PLSCR4: variants seen among roughly 807,000 people sequenced by gnomAD.
PLSCR4 encodes Ca(2+)-dependent phospholipid scramblase 4.
PLSCR4 carries 25 observed loss-of-function variants against 36.3 expected under a neutral mutation model. The ratio of observed to expected loss-of-function variants is 0.69; its 90% CI spans 0.50 to 0.96. The LOEUF (loss-of-function observed/expected upper bound fraction) is 0.96. Among genes scored for constraint, PLSCR4 ranks in the 40% least tolerant of loss-of-function variants. PLSCR4 has a pLI of 0.00. For synonymous variants in PLSCR4, 122 were observed against 132.9 expected (o/e 0.92, Z 0.56); for missense variants, 408 against 414.7 (o/e 0.98, Z 0.14).
At chr3:146,204,204 T>C (rs1458508697) in intron 4 of PLSCR4, among the ~76,000 whole-genome samples, 2 of 151,994 alleles carry the variant, frequency 1.3e-5, no homozygotes, top group African/African-American at 4.8e-5. Flanking sequence ...ATCGTGCTAA[T>C]TTGGATGTTT....
intron 4 of PLSCR4, among the ~76,000 whole-genome samples, chr3:146,205,189 A>G (rs577345896): frequency 6.6e-6 from 1 of 152,004 alleles, no homozygotes; most frequent in Non-Finnish European, 1.5e-5. Flanking sequence ...ACAACAACAA[A>G]AAAGATTCAG....
intron 1 of PLSCR4, among the ~76,000 whole-genome samples, chr3:146,235,909 A>G (rs888740102): frequency 2.0e-5 from 3 of 152,136 alleles, no homozygotes; most frequent in Non-Finnish European, 4.4e-5. Flanking sequence ...GAACTCGGGA[A>G]TGATGATTTC....
intron 1 of PLSCR4, among the ~76,000 whole-genome samples, chr3:146,245,093 G>C (rs569062955): frequency 2.6e-5 from 4 of 152,144 alleles, no homozygotes; most frequent in South Asian, 2.1e-4. Context: ...AATAGCAAGA[G>C]AACTAAGAGT....
chr3:146,196,704 C>T lies in PLSCR4; in HGVS notation c.714G>A (p.Glu238=), dbSNP rs771869013. The change falls in exon 7 of 9, where the codon GAG becomes GAA. Residue 238 remains glutamate, a synonymous_variant. Transcript: ENST00000354952. ...LCRAVYSIQN[E]KKENVMRVRG... ...GAACTCTCATCACATTTTCTTTCTT[C>T]TCATTTTGGATGCTGTACACCGCCC... 6.2e-7 allele frequency: 1 copy of T among 1,614,028 alleles called. No individual in the cohort carries two copies. Among genetic ancestry groups the T allele is most frequent in the South Asian group, 1.1e-5 (1 of 91,080 alleles).
At chr3:146,218,378 A>G (rs2034984733) in intron 3 of PLSCR4, among the ~76,000 whole-genome samples, 1 of 151,944 alleles carries the variant, frequency 6.6e-6, no homozygotes, top group Admixed American at 6.6e-5. Context: ...TTAATTTACC[A>G]TGTACTTTTA....
rs1434252492 is a variant in PLSCR4, at chr3:146,200,040, C to A, written c.398-1G>T. On this transcript the variant is annotated splice_acceptor_variant, in intron 5 of 8. Transcript: ENST00000354952. LOFTEE classifies it high-confidence loss of function. Reference sequence around the variant, plus strand: ...TTATTAGTTTCAAAACATGTCATCACTAAAAAATAAAATGAGTAAGTCTAT... The same window carrying A: ...TTATTAGTTTCAAAACATGTCATCAATAAAAAATAAAATGAGTAAGTCTAT... 6.6e-7 allele frequency: 1 copy of A among 1,521,386 alleles called. No individual in the cohort carries two copies. The highest frequency in any genetic ancestry group is 9.1e-7 in the Non-Finnish European group (1 of 1,097,906). 94.2% of individuals were successfully genotyped at this position (1,521,386 alleles called of 1,614,324 possible). A position where few individuals can be genotyped will look rare whatever the true frequency, so the allele number is the denominator to read the frequency against.
At chr3:146,236,640 T>G (rs1368132102) in intron 1 of PLSCR4, among the ~76,000 whole-genome samples, 1 of 152,150 alleles carries the variant, frequency 6.6e-6, no homozygotes, top group Non-Finnish European at 1.5e-5. Flanking sequence ...CCACATAAGA[T>G]GTGACTTGCT....
chr3:146,245,949 T>C lies in PLSCR4; in HGVS notation c.-22+5011A>G, dbSNP rs552254539. ...TGGTGGACTGTGTTAATTACTTTTA[T>C]GGGTTTCTTGGCTATAGGGAACTGG... is the stretch of plus-strand genomic sequence containing the variant. On this transcript the variant is annotated intron_variant, in intron 1 of 8. Coordinates refer to ENST00000354952, the MANE Select transcript of PLSCR4 (RefSeq NM_020353.3). Among the ~76,000 whole-genome samples the C allele has an allele frequency of 7.9e-5, 12 of 152,226 alleles. No homozygotes were observed. In the South Asian group the frequency reaches 2.5e-3, roughly 32 times the overall value.
chr3:146,218,959 A>G (rs2035014562), intron 3 of PLSCR4, among the ~76,000 whole-genome samples: 2 of 152,222 alleles, frequency 1.3e-5, no homozygotes, highest in Non-Finnish European at 2.9e-5. Context: ...CCATAATGCA[A>G]ATTGGAATTA....
intron 7 of PLSCR4, 145 bp from the exon 8 acceptor site, chr3:146,195,427 A>T: frequency 1.5e-6 from 1 of 665,532 alleles, no homozygotes; most frequent in Non-Finnish European, 2.5e-6. Context: ...AATGGCCAAA[A>T]AGGGTTAACT....
chr3:146,196,767 GA>G lies in PLSCR4; in HGVS notation c.650del (p.Val217AlafsTer27). On this transcript the variant is annotated frameshift_variant, in exon 7 of 9. Transcript: ENST00000354952. LOFTEE classifies it high-confidence loss of function. ...QELEVQCPPG[V>X]TIGFVAEHWN... The stretch of plus-strand genomic sequence containing the variant: ...AATGTTCCGCAACAAAGCCAATGGT[GA>G]CACCAGGAGGACACTGCACCTCCAG... 1 of 1,613,862 alleles carries G rather than the reference GA, an allele frequency of 6.2e-7. No individual in the cohort carries two copies. The highest frequency in any genetic ancestry group is 8.5e-7 in the Non-Finnish European group (1 of 1,179,876).
intron 3 of PLSCR4, among the ~76,000 whole-genome samples, chr3:146,219,714 C>G (rs1373071593): frequency 6.6e-6 from 1 of 151,988 alleles, no homozygotes; most frequent in Non-Finnish European, 1.5e-5. Context: ...GTCGGGACTT[C>G]GAGACCAGCC....
chr3:146,194,429 TG>T lies in PLSCR4; in HGVS notation c.971del (p.Pro324HisfsTer17). ...TGTCTCTCTATCTTGAACGTTGTGG[TG>T]GAGATCTTTCAAAATACATGAAGTC... is the stretch of plus-strand genomic sequence containing the variant. ...LIDFMYFERS[P>X]PQRSR On this transcript the variant is annotated frameshift_variant, in exon 9 of 9. Coordinates refer to ENST00000354952, the MANE Select transcript of PLSCR4 (RefSeq NM_020353.3). LOFTEE classifies it high-confidence loss of function. 6.2e-7 allele frequency: 1 copy of T among 1,607,630 alleles called. No individual in the cohort carries two copies. The highest frequency in any genetic ancestry group is 1.1e-5 in the South Asian group (1 of 90,878).
At chr3:146,243,691 TAAGA>T (rs953444045) in intron 1 of PLSCR4, among the ~76,000 whole-genome samples, 1 of 152,154 alleles carries the variant, frequency 6.6e-6, no homozygotes, top group Non-Finnish European at 1.5e-5. Flanking sequence ...CATCACAGAA[TAAGA>T]AATTGTGTCA....
intron 3 of PLSCR4, among the ~76,000 whole-genome samples, chr3:146,220,543 T>C (rs1217101219): frequency 6.6e-6 from 1 of 152,186 alleles, no homozygotes; most frequent in East Asian, 1.9e-4. Context: ...AAATACTGTC[T>C]TCTGTGTCCT....
intron 7 of PLSCR4, chr3:146,196,342 T>C (rs952600736): frequency 1.6e-5 from 5 of 316,284 alleles, no homozygotes; most frequent in South Asian, 1.3e-4. Flanking sequence ...TAGCCAACAA[T>C]AGAATAGATG....
intron 4 of PLSCR4, among the ~76,000 whole-genome samples, chr3:146,205,020 T>G (rs1047777478): frequency 6.6e-6 from 1 of 152,010 alleles, no homozygotes; most frequent in Non-Finnish European, 1.5e-5. Flanking sequence ...TACAAATAGT[T>G]TTCAGCACAC....
At chr3:146,229,050 T>C (rs1019498980) in intron 1 of PLSCR4, among the ~76,000 whole-genome samples, 1 of 152,186 alleles carries the variant, frequency 6.6e-6, no homozygotes, top group African/African-American at 2.4e-5. Context: ...TTTTCTTCTA[T>C]CTCCATAGAA....
At chr3:146,201,130 C>T in intron 4 of PLSCR4, 53 bp from the exon 5 acceptor site, 1 of 1,091,000 alleles carries the variant, frequency 9.2e-7, no homozygotes, top group Non-Finnish European at 1.3e-6. Flanking sequence ...AACTAAAATA[C>T]CACTGTAAAA....
Sources: gnomAD v4.1 joint callset for allele counts (sites outside exome capture counted in the v4.1 genomes callset) on GRCh38, gnomAD v4.1.1 for gene constraint, MANE v1.5 for transcripts, NCBI Gene and HGNC (gene_info 2026-07-23, HGNC 2026-07-21) for gene names.